Variants in MYO1E observed in about 807,000 individuals in gnomAD.
The protein encoded by MYO1E is unconventional myosin-Ie.
Under a neutral mutation model 151.1 loss-of-function variants are expected in MYO1E, and 68 were observed. The ratio of observed to expected loss-of-function variants is 0.45; its 90% CI spans 0.37 to 0.55. The LOEUF (loss-of-function observed/expected upper bound fraction) is 0.55, where lower values mean the gene tolerates loss of function less well. MYO1E is among the 20% of genes least tolerant of loss of function. MYO1E has a pLI of 0.00. For synonymous variants in MYO1E, 601 were observed against 501.7 expected (o/e 1.20, Z -2.64); for missense variants, 1,363 against 1,389.3 (o/e 0.98, Z 0.30).
intron 1 of MYO1E, among the ~76,000 whole-genome samples, chr15:59,328,653 T>C (rs183353991): frequency 7.9e-4 from 121 of 152,276 alleles, no homozygotes; most frequent in African/African-American, 2.6e-3. Flanking sequence ...TACAGATGTT[T>C]TGATCAACCT....
In MYO1E at chr15:59,255,403, A is replaced by G. The variant is rs527408214; in HGVS notation, c.332+881T>C. On this transcript the variant is annotated intron_variant, in intron 4 of 27. Coordinates refer to ENST00000288235, the MANE Select transcript of MYO1E (RefSeq NM_004998.4). Reference sequence around the variant, plus strand: ...TTAGTAAGCAGAATTTTATTTTATTATTTTTTTTCAAGATGGAGTCTCACT... The same window carrying G: ...TTAGTAAGCAGAATTTTATTTTATTGTTTTTTTTCAAGATGGAGTCTCACT... Among the ~76,000 whole-genome samples the G allele has an allele frequency of 4.0e-4, 61 of 150,888 alleles. No individual in the cohort carries two copies. The South Asian group carries it at 0.013, about 32-fold the overall frequency.
intron 1 of MYO1E, among the ~76,000 whole-genome samples, chr15:59,335,357 C>T (rs1260056667): frequency 6.6e-6 from 1 of 152,130 alleles, no homozygotes; most frequent in Non-Finnish European, 1.5e-5. Flanking sequence ...AGCTGGCAAG[C>T]GCAGGCTGCT....
chr15:59,141,670 T>G (rs1408211565), intron 26 of MYO1E, among the ~76,000 whole-genome samples: 1 of 151,894 alleles, frequency 6.6e-6, no homozygotes, highest in Non-Finnish European at 1.5e-5. Context: ...TGACGGTGCA[T>G]GCCTATAGTC....
chr15:59,210,556 G>A lies in MYO1E; in HGVS notation c.1320C>T (p.Tyr440=). ...GGTCACATACGATTTTATTATTAAA[G>A]TACTCAATGGGTGTCCATCTTATTC... ...QEGIRWTPIE[Y]FNNKIVCDLI... is the part of the protein sequence containing the mutation. The change falls in exon 13 of 28, where the codon TAC becomes TAT. Residue 440 remains tyrosine, a synonymous_variant. Transcript: ENST00000288235. The A allele has an allele frequency of 1.2e-6, 2 of 1,605,814 alleles. No homozygotes were observed. The highest frequency in any genetic ancestry group is 1.1e-5 in the South Asian group (1 of 90,874).
intron 1 of MYO1E, among the ~76,000 whole-genome samples, chr15:59,306,167 A>G (rs1472823576): frequency 6.6e-6 from 1 of 152,232 alleles, no homozygotes; most frequent in East Asian, 1.9e-4. Context: ...ATTTGCAATT[A>G]AATCCCTTTG....
At chr15:59,196,287 C>T (rs1346498455) in intron 16 of MYO1E, among the ~76,000 whole-genome samples, 2 of 152,056 alleles carry the variant, frequency 1.3e-5, no homozygotes, top group African/African-American at 2.4e-5. Context: ...CAAAGTAGAA[C>T]TGGATTCAAG....
At chr15:59,246,868 T>C (rs1022641540) in intron 4 of MYO1E, among the ~76,000 whole-genome samples, 2 of 152,152 alleles carry the variant, frequency 1.3e-5, no homozygotes, top group Non-Finnish European at 2.9e-5. Flanking sequence ...TAAGGTCATG[T>C]TCTTCTGTTA....
At chr15:59,218,894 A>G (rs1460428582) in intron 9 of MYO1E, among the ~76,000 whole-genome samples, 1 of 152,214 alleles carries the variant, frequency 6.6e-6, no homozygotes, top group African/African-American at 2.4e-5. Flanking sequence ...GACGGTCTAC[A>G]GTGTGTGGAC....
In MYO1E at chr15:59,149,081, G is replaced by C. The variant is rs2079461016; in HGVS notation, c.3080+4509C>G. On this transcript the variant is annotated intron_variant, in intron 26 of 27. Coordinates refer to ENST00000288235, the MANE Select transcript of MYO1E (RefSeq NM_004998.4). ...TTTTTTTTTTTTTTTTTTTGAGACA[G>C]AGTCTTGCTCTGTCGCCCAGGCTGG... Among the ~76,000 whole-genome samples the C allele has an allele frequency of 5.4e-5, 7 of 130,668 alleles. No individual in the cohort carries two copies. In the Admixed American group the frequency reaches 5.8e-4, roughly 11 times the overall value. 85.7% of individuals were successfully genotyped at this position (130,668 alleles called of 152,430 possible).
intron 16 of MYO1E, among the ~76,000 whole-genome samples, chr15:59,200,661 G>A (rs139605918): frequency 2.0e-5 from 3 of 152,210 alleles, no homozygotes; most frequent in East Asian, 3.9e-4. Context: ...GACCAACAAC[G>A]GCGATACAGG....
chr15:59,308,752 T>C (rs1292279947), intron 1 of MYO1E, among the ~76,000 whole-genome samples: 3 of 144,196 alleles, frequency 2.1e-5, no homozygotes, highest in Non-Finnish European at 4.6e-5. Flanking sequence ...GGCAGAAGAA[T>C]TGCTTGAACC....
Position 59,138,373 on chromosome 15 carries a change from G to A in MYO1E, c.3081-6C>T, listed in dbSNP as rs201630409. 5.4e-5 allele frequency: 87 copies of A among 1,613,708 alleles called. No individual in the cohort carries two copies. The highest frequency in any genetic ancestry group is 5.1e-4 in the Middle Eastern group (3 of 5,928). On this transcript the variant is annotated splice_polypyrimidine_tract_variant and splice_region_variant and intron_variant, in intron 26 of 27. Transcript: ENST00000288235. ...TGGTTGTTTGTCTCCTGACCCTGTGGAGAGAGTGGAGCAGATGAGACTGGG... is the reference window on the plus strand; with the variant it reads ...TGGTTGTTTGTCTCCTGACCCTGTGAAGAGAGTGGAGCAGATGAGACTGGG...
At chr15:59,225,900 C>A (rs1395351710) in intron 7 of MYO1E, among the ~76,000 whole-genome samples, 2 of 152,174 alleles carry the variant, frequency 1.3e-5, no homozygotes, top group Non-Finnish European at 2.9e-5. Flanking sequence ...CCCACCTTGG[C>A]ATCCCAAAGT....
intron 14 of MYO1E, among the ~76,000 whole-genome samples, chr15:59,206,450 C>G (rs1358561572): frequency 1.3e-5 from 2 of 152,290 alleles, no homozygotes; most frequent in African/African-American, 4.8e-5. Context: ...AGGCCTCCAG[C>G]GCCATAGACC....
chr15:59,160,552 G>A (rs914937642), intron 24 of MYO1E, among the ~76,000 whole-genome samples: 1 of 151,880 alleles, frequency 6.6e-6, no homozygotes, highest in Admixed American at 6.6e-5. Flanking sequence ...TGGGACTACA[G>A]GCATGCACCA....
chr15:59,304,000 T>A (rs1212061024), intron 1 of MYO1E, among the ~76,000 whole-genome samples: 2 of 150,692 alleles, frequency 1.3e-5, no homozygotes, highest in African/African-American at 2.4e-5. Flanking sequence ...TTTTTTTTTT[T>A]AGAGGGAGTT....
At chr15:59,300,767 G>A (rs1483531142) in intron 1 of MYO1E, among the ~76,000 whole-genome samples, 1 of 152,072 alleles carries the variant, frequency 6.6e-6, no homozygotes, top group Non-Finnish European at 1.5e-5. Flanking sequence ...AGGTCTCACA[G>A]GCTAGCTCTA....
At chr15:59,279,887 GT>G (rs2080343138) in intron 1 of MYO1E, among the ~76,000 whole-genome samples, 1 of 152,154 alleles carries the variant, frequency 6.6e-6, no homozygotes, top group Non-Finnish European at 1.5e-5. Flanking sequence ...AAATGTTGTG[GT>G]TGTTTATCTC....
chr15:59,329,962 T>G (rs1309241069), intron 1 of MYO1E, among the ~76,000 whole-genome samples: 1 of 152,238 alleles, frequency 6.6e-6, no homozygotes, highest in African/African-American at 2.4e-5. Flanking sequence ...AGAAGCAAAC[T>G]GCAAAATACC....
Sources: allele counts gnomAD v4.1 joint callset (sites outside exome capture counted in the v4.1 genomes callset), GRCh38; gene constraint gnomAD v4.1.1; transcripts MANE v1.5; gene names NCBI Gene and HGNC (gene_info 2026-07-23, HGNC 2026-07-21).